Variants in TRAM2 observed in about 807,000 individuals in gnomAD.
TRAM2 encodes the protein translocating chain-associated membrane protein 2.
A neutral mutation model predicts 51.0 loss-of-function variants in TRAM2; 12 were observed. The ratio of observed to expected loss-of-function variants is 0.24; its 90% CI spans 0.15 to 0.38. The LOEUF is 0.38. Ranked by LOEUF, TRAM2 falls within the 10% of genes least tolerant of loss-of-function variation. TRAM2 has a pLI of 1.00. For missense variants in TRAM2, 361 were observed against 462.0 expected (o/e 0.78, Z 2.00); for synonymous variants, 175 against 179.4 (o/e 0.98, Z 0.20).
intron 1 of TRAM2, among the ~76,000 whole-genome samples, chr6:52,558,150 C>T (rs927682287): frequency 1.3e-5 from 2 of 152,174 alleles, no homozygotes; most frequent in African/African-American, 4.8e-5. Flanking sequence ...CTCGCACAAG[C>T]AAAACCTGCA....
chr6:52,511,410 G>A lies in TRAM2; in HGVS notation c.412-1824C>T, dbSNP rs748015860. Among the ~76,000 whole-genome samples, 106 of 152,154 alleles carry A rather than the reference G, an allele frequency of 7.0e-4. 1 individual carries two copies. The highest frequency in any genetic ancestry group is 1.5e-3 in the Admixed American group (23 of 15,286). On this transcript the variant is annotated intron_variant, in intron 4 of 10. Coordinates refer to ENST00000182527, the MANE Select transcript of TRAM2 (RefSeq NM_012288.4). ...TGCGCCCAGCCAAGATAGTTTTTCA[G>A]TAGCACAGCTGAAATCCGAGTTGGG...
intron 2 of TRAM2, among the ~76,000 whole-genome samples, chr6:52,529,143 G>A (rs572674896): frequency 2.6e-5 from 4 of 152,124 alleles, no homozygotes; most frequent in South Asian, 2.1e-4. Context: ...CGCCCGCCTC[G>A]GCCTCCCGAA....
intron 2 of TRAM2, among the ~76,000 whole-genome samples, chr6:52,535,323 C>T (rs1039392249): frequency 1.3e-5 from 2 of 152,122 alleles, no homozygotes; most frequent in African/African-American, 2.4e-5. Flanking sequence ...AAGTTCTTAG[C>T]GGTTAATGCT....
At chr6:52,518,963 T>G (rs1766610354) in intron 2 of TRAM2, among the ~76,000 whole-genome samples, 1 of 152,260 alleles carries the variant, frequency 6.6e-6, no homozygotes, top group Non-Finnish European at 1.5e-5. Flanking sequence ...TTATCCATTT[T>G]AAAGCCCTTT....
chr6:52,563,851 A>T (rs80316446), intron 1 of TRAM2, among the ~76,000 whole-genome samples: 13 of 137,100 alleles, frequency 9.5e-5, no homozygotes, highest in Admixed American at 2.2e-4. Flanking sequence ...AAAAACACTT[A>T]TTTTTTTTTT....
At chr6:52,576,678 C>G in intron 1 of TRAM2, 118 bp downstream of exon 1, 1 of 1,360,288 alleles carries the variant, frequency 7.4e-7, no homozygotes, top group East Asian at 2.6e-5. Context: ...GTGCAGATAA[C>G]GTACACGGCA....
At chr6:52,516,343 G>A in intron 3 of TRAM2, 1 of 594,376 alleles carries the variant, frequency 1.7e-6, no homozygotes, top group Non-Finnish European at 3.0e-6. Flanking sequence ...TAGCCTATGT[G>A]TAAAGAAAAT....
At chr6:52,536,391 T>C (rs1351038366) in intron 1 of TRAM2, among the ~76,000 whole-genome samples, 1 of 152,212 alleles carries the variant, frequency 6.6e-6, no homozygotes, top group Admixed American at 6.5e-5. Flanking sequence ...ACATCCCACA[T>C]TCCTGGTTTG....
At chr6:52,508,435 A>T in intron 5 of TRAM2, 117 bp from the exon 6 acceptor site, 1 of 992,022 alleles carries the variant, frequency 1.0e-6, no homozygotes, top group Non-Finnish European at 1.5e-6. Flanking sequence ...GAGCTGGTCC[A>T]GGAGCAAGGG....
chr6:52,576,987 AC>A lies in TRAM2; in HGVS notation c.-73del. 1 of 1,400,940 alleles carries A rather than the reference AC, an allele frequency of 7.1e-7. No homozygotes were observed. Among genetic ancestry groups the A allele is most frequent in the Non-Finnish European group, 9.2e-7 (1 of 1,082,078 alleles). 86.8% of individuals were successfully genotyped at this position (1,400,940 alleles called of 1,614,324 possible). A position where few individuals can be genotyped will look rare whatever the true frequency, so the allele number is the denominator to read the frequency against. On this transcript the variant is annotated 5_prime_UTR_variant, in exon 1 of 11. Coordinates refer to ENST00000182527, the MANE Select transcript of TRAM2 (RefSeq NM_012288.4). ...GAACCGCAGCGCAAACTTCTCCAGC[AC>A]CGGCCCGGTCCGCCCGCCGGCCCGC...
intron 1 of TRAM2, among the ~76,000 whole-genome samples, chr6:52,550,325 C>G (rs1053270780): frequency 2.6e-5 from 4 of 152,164 alleles, no homozygotes; most frequent in African/African-American, 9.7e-5. Context: ...TAGCTCCCCA[C>G]GTTCGCAAGC....
At chr6:52,521,243 A>G (rs1353704739) in intron 2 of TRAM2, among the ~76,000 whole-genome samples, 3 of 152,076 alleles carry the variant, frequency 2.0e-5, no homozygotes, top group African/African-American at 4.8e-5. Flanking sequence ...GGAGGAAAGT[A>G]GTAGGTTGGT....
chr6:52,553,289 A>T (rs890353391), intron 1 of TRAM2, among the ~76,000 whole-genome samples: 3 of 152,242 alleles, frequency 2.0e-5, no homozygotes, highest in South Asian at 4.1e-4. Flanking sequence ...CTCCAAGATC[A>T]ACAAATGTAT....
At position 52,502,445 on chromosome 6, in the gene TRAM2, C is replaced by CT. The variant is rs902189219; in HGVS notation, c.*751_*752insA. On this transcript the variant is annotated 3_prime_UTR_variant, in exon 11 of 11. Coordinates refer to ENST00000182527, the MANE Select transcript of TRAM2 (RefSeq NM_012288.4). ...CTAAGCAGTGGGAAGACGTGTCCCC[C>CT]CCCACAGAGCGACAGCAGGCTGGCT... The CT allele has an allele frequency of 2.0e-5, 3 of 152,266 alleles. No individual in the cohort carries two copies. Among genetic ancestry groups the CT allele is most frequent in the Non-Finnish European group, 4.4e-5 (3 of 68,074 alleles). 9.4% of individuals were successfully genotyped at this position (152,266 alleles called of 1,614,324 possible). A position where few individuals can be genotyped will look rare whatever the true frequency, so the allele number is the denominator to read the frequency against.
At chr6:52,509,825 T>C (rs1393284202) in intron 4 of TRAM2, among the ~76,000 whole-genome samples, 2 of 152,198 alleles carry the variant, frequency 1.3e-5, no homozygotes, top group Non-Finnish European at 2.9e-5. Flanking sequence ...CAACGACCCA[T>C]ATCTGAAGAT....
At chr6:52,516,357 C>T (rs1766549267) in intron 3 of TRAM2, 1 of 590,102 alleles carries the variant, frequency 1.7e-6, no homozygotes, top group Non-Finnish European at 3.0e-6. Context: ...AGAAAATAAC[C>T]CCAATTACTC....
chr6:52,529,052 G>A (rs1263405832), intron 2 of TRAM2, among the ~76,000 whole-genome samples: 1 of 151,948 alleles, frequency 6.6e-6, no homozygotes. Flanking sequence ...CACCACGCCC[G>A]GCTAATTTTT....
At chr6:52,543,996 T>C (rs1025946069) in intron 1 of TRAM2, among the ~76,000 whole-genome samples, 1 of 152,216 alleles carries the variant, frequency 6.6e-6, no homozygotes, top group Non-Finnish European at 1.5e-5. Flanking sequence ...TTTCAAATTA[T>C]TCTCCACCAC....
At chr6:52,504,821 G>A (rs943130564) in intron 9 of TRAM2, 67 bp from the exon 10 acceptor site, 1 of 1,492,084 alleles carries the variant, frequency 6.7e-7, no homozygotes, top group African/African-American at 1.4e-5. Flanking sequence ...GGGTTGTGCA[G>A]GGGAGAACAA....
Sources: allele counts gnomAD v4.1 joint callset (sites outside exome capture counted in the v4.1 genomes callset), GRCh38; gene constraint gnomAD v4.1.1; transcripts MANE v1.5; gene names NCBI Gene and HGNC (gene_info 2026-07-23, HGNC 2026-07-21).